Variants in CAPRIN2 observed in about 807,000 individuals in gnomAD.
The protein encoded by CAPRIN2 is caprin family member 2, also known as caprin-2.
A neutral mutation model predicts 130.4 loss-of-function variants in CAPRIN2; 66 were observed. That is an observed-to-expected ratio of 0.51 (90% CI 0.42 to 0.62). The LOEUF is 0.62. CAPRIN2 is among the 20% of genes least tolerant of loss of function. The probability of loss-of-function intolerance (pLI) is 0.00; values close to 1 mark genes in which losing one functional copy is unlikely to be tolerated. For missense variants in CAPRIN2, 1,185 were observed against 1,246.6 expected, an observed-to-expected ratio of 0.95 and a Z score of 0.74; for synonymous variants, 471 against 444.1, an observed-to-expected ratio of 1.06 and a Z score of -0.76.
chr12:30,751,250 A>T (rs2073701090), intron 1 of CAPRIN2, 117 bp from the exon 3 acceptor site: 1 of 788,588 alleles, frequency 1.3e-6, no homozygotes, highest in Non-Finnish European at 2.2e-6. Flanking sequence ...ATCAATCTGC[A>T]AGACTATCAT....
chr12:30,726,768 A>T (rs1472131445), intron 8 of CAPRIN2, among the ~76,000 whole-genome samples: 1 of 152,178 alleles, frequency 6.6e-6, no homozygotes, highest in Non-Finnish European at 1.5e-5. Flanking sequence ...CAGATAAAAT[A>T]AGAGTTAAGA....
At chr12:30,726,465 T>A (rs1206318362) in intron 8 of CAPRIN2, among the ~76,000 whole-genome samples, 1 of 152,132 alleles carries the variant, frequency 6.6e-6, no homozygotes, top group Admixed American at 6.5e-5. Context: ...CCACATTAAA[T>A]GTACATCCCA....
chr12:30,750,959 T>C (rs1661216475), intron 2 of CAPRIN2, 112 bp downstream of exon 3: 1 of 793,416 alleles, frequency 1.3e-6, no homozygotes, highest in African/African-American at 1.7e-5. Context: ...GAACAAACTA[T>C]GGATTTTAAC....
chr12:30,725,849 TAGGAGGCAG>T, intron 9 of CAPRIN2, 108 bp downstream of exon 10: 2 of 811,308 alleles, frequency 2.5e-6, no homozygotes, highest in Non-Finnish European at 3.4e-6. Context: ...CTAGGAGAGC[TAGGAGGCAG>T]CAGAGCCAGG....
At chr12:30,749,904 T>C (rs1252360175) in intron 2 of CAPRIN2, among the ~76,000 whole-genome samples, 1 of 152,188 alleles carries the variant, frequency 6.6e-6, no homozygotes, top group Non-Finnish European at 1.5e-5. Flanking sequence ...CAATGAAATA[T>C]AGCATGTCTT....
chr12:30,734,888 T>A lies in CAPRIN2; in HGVS notation c.809+80A>T, dbSNP rs201229668. ...CACACACACACACACACACACACAC[T>A]CTCTCTCTCACATACACACACCCCT... On this transcript the variant is annotated intron_variant, in intron 4 of 16. Coordinates refer to ENST00000298892, the Ensembl canonical transcript of CAPRIN2. 0.017 allele frequency: 8,214 copies of A among 470,816 alleles called. 211 individuals are homozygous for A. Among genetic ancestry groups the A allele is most frequent in the Non-Finnish European group, 0.021 (5,558 of 261,620 alleles). 29.2% of individuals were successfully genotyped at this position (470,816 alleles called of 1,614,324 possible). A position where few individuals can be genotyped will look rare whatever the true frequency, so the allele number is the denominator to read the frequency against.
In CAPRIN2 at chr12:30,736,375, G is replaced by A. The variant is rs79178272; in HGVS notation, c.571-1169C>T. 7.5e-4 allele frequency among the ~76,000 whole-genome samples: 111 copies of A among 147,930 alleles called. No homozygotes were observed. The South Asian group carries it at 8.5e-3, about 11-fold the overall frequency. On this transcript the variant is annotated intron_variant, in intron 3 of 16. Coordinates refer to ENST00000298892, the Ensembl canonical transcript of CAPRIN2. ...ACGTTTCCATCATATTGGATATTCCGCAAGGTATGAAGATTAAAATACAAA... is the reference window on the plus strand; with the variant it reads ...ACGTTTCCATCATATTGGATATTCCACAAGGTATGAAGATTAAAATACAAA...
chr12:30,721,941 AGAGC>A (rs1000918482), intron 11 of CAPRIN2, among the ~76,000 whole-genome samples: 2 of 152,226 alleles, frequency 1.3e-5, no homozygotes, highest in African/African-American at 2.4e-5. Context: ...TTATAAGATT[AGAGC>A]GTTTCTAAAA....
intron 12 of CAPRIN2, 56 bp downstream of exon 14, chr12:30,719,023 C>T: frequency 6.5e-7 from 1 of 1,545,670 alleles, no homozygotes; most frequent in African/African-American, 1.4e-5. Flanking sequence ...GTAAGAGAAA[C>T]AATGGCTTTT....
At chr12:30,723,797 ACTCT>A (rs761987249) in intron 10 of CAPRIN2, among the ~76,000 whole-genome samples, 2 of 152,002 alleles carry the variant, frequency 1.3e-5, no homozygotes, top group South Asian at 2.1e-4. Flanking sequence ...TTTATTAATT[ACTCT>A]CTATTTACTC....
intron 3 of CAPRIN2, among the ~76,000 whole-genome samples, chr12:30,737,186 T>C (rs183498439): frequency 6.6e-6 from 1 of 151,756 alleles, no homozygotes; most frequent in African/African-American, 2.4e-5. Context: ...TTTTTTTTAA[T>C]AGAGATGAGG....
chr12:30,732,470 A>C (rs1388752889), intron 5 of CAPRIN2, among the ~76,000 whole-genome samples: 1 of 152,008 alleles, frequency 6.6e-6, no homozygotes, highest in East Asian at 1.9e-4. Context: ...TTTAACAGAT[A>C]TTTAGTTGTG....
At chr12:30,716,902 T>C (rs530882145) in intron 12 of CAPRIN2, among the ~76,000 whole-genome samples, 1 of 152,116 alleles carries the variant, frequency 6.6e-6, no homozygotes, top group Non-Finnish European at 1.5e-5. Flanking sequence ...TAAAATTTTA[T>C]ACCCATTAGC....
intron 5 of CAPRIN2, 95 bp from the exon 7 acceptor site, chr12:30,731,605 T>G: frequency 2.1e-6 from 2 of 933,278 alleles, no homozygotes; most frequent in East Asian, 4.9e-5. Context: ...TAGTACATTG[T>G]TACAATAGTT....
At chr12:30,725,992 T>C (rs749475955) in exon 9 of CAPRIN2, 1 of 1,597,142 alleles carries the variant, frequency 6.3e-7, no homozygotes, top group East Asian at 2.3e-5. Flanking sequence ...GTTCCTTGAA[T>C]CTGAGTCATC....
At chr12:30,754,640 A>G (rs1208830247), upstream of CAPRIN2, 1 of 149,058 alleles carries the variant, frequency 6.7e-6, no homozygotes, top group East Asian at 2.1e-4. Flanking sequence ...CGGGGATGCC[A>G]AGCCGCCCCT....
rs372276472 is a variant in CAPRIN2 at position 30,745,513 on chromosome 12, A to G, written c.484-4407T>C. On this transcript the variant is annotated intron_variant, in intron 2 of 16. Transcript: ENST00000298892. ...TTCAAAGAGGCTGCAAGAGCCATAT[A>G]GAACATTACAAGTTTTATTTACATT... Among the ~76,000 whole-genome samples, 3 of 152,304 alleles carry G rather than the reference A, an allele frequency of 2.0e-5. 1 individual carries two copies. The highest frequency in any genetic ancestry group is 6.5e-5 in the Admixed American group (1 of 15,302).
intron 8 of CAPRIN2, among the ~76,000 whole-genome samples, chr12:30,727,768 AG>A (rs1484604625): frequency 2.0e-5 from 3 of 152,218 alleles, no homozygotes; most frequent in Non-Finnish European, 4.4e-5. Flanking sequence ...TAATGCCAAC[AG>A]TTTTCCTATC....
chr12:30,725,654 G>A (rs998758714), intron 9 of CAPRIN2, among the ~76,000 whole-genome samples: 5 of 152,212 alleles, frequency 3.3e-5, no homozygotes, highest in African/African-American at 1.2e-4. Context: ...ATCAGGCACA[G>A]AGTAGGTTCT....
Sources: allele counts gnomAD v4.1 joint callset (sites outside exome capture counted in the v4.1 genomes callset), GRCh38; gene constraint gnomAD v4.1.1; transcripts MANE v1.5; gene names NCBI Gene and HGNC (gene_info 2026-07-23, HGNC 2026-07-21).